SYNPR: variants seen among roughly 807,000 people sequenced by gnomAD.
SYNPR encodes synaptoporin.
A neutral mutation model predicts 32.9 loss-of-function variants in SYNPR; 23 were observed. The observed-to-expected ratio is 0.70, with a 90% confidence interval of 0.50 to 0.99. SYNPR has a LOEUF of 0.99. Ranked by LOEUF, SYNPR falls within the 50% of genes least tolerant of loss-of-function variation. The probability of loss-of-function intolerance (pLI) is 0.00; values close to 1 mark genes in which losing one functional copy is unlikely to be tolerated. For missense variants in SYNPR, 318 were observed against 349.3 expected (o/e 0.91, Z 0.71); for synonymous variants, 146 against 135.9 (o/e 1.07, Z -0.52).
At chr3:63,586,923 A>T (rs1703194850) in intron 4 of SYNPR, among the ~76,000 whole-genome samples, 1 of 151,898 alleles carries the variant, frequency 6.6e-6, no homozygotes, top group Admixed American at 6.6e-5. Context: ...TTCTTTTCCA[A>T]TCACGTATTG....
chr3:63,370,696 A>G (rs890377720), intron 2 of SYNPR, among the ~76,000 whole-genome samples: 59 of 152,316 alleles, frequency 3.9e-4, no homozygotes, highest in African/African-American at 1.4e-3. Flanking sequence ...TTACAAAATA[A>G]TATCTTTTAC....
chr3:63,227,710 G>A (rs2086139334), upstream of SYNPR, among the ~76,000 whole-genome samples: 1 of 152,166 alleles, frequency 6.6e-6, no homozygotes, highest in Non-Finnish European at 1.5e-5. Context: ...AAGGTGAAGG[G>A]TAAAATGCGC....
At chr3:63,303,690 A>G (rs1348980615) in intron 2 of SYNPR, among the ~76,000 whole-genome samples, 1 of 152,040 alleles carries the variant, frequency 6.6e-6, no homozygotes, top group Admixed American at 6.6e-5. Context: ...TCATAGATTT[A>G]TTCTGACTAT....
intron 2 of SYNPR, among the ~76,000 whole-genome samples, chr3:63,287,623 G>C (rs181486432): frequency 1.9e-4 from 29 of 152,258 alleles, no homozygotes; most frequent in African/African-American, 6.0e-4. Context: ...CCAGGCAGTA[G>C]GTGCTTAGAA....
chr3:63,415,987 G>A (rs1041920856), intron 2 of SYNPR, among the ~76,000 whole-genome samples: 3 of 152,212 alleles, frequency 2.0e-5, no homozygotes, highest in Non-Finnish European at 4.4e-5. Flanking sequence ...GAAAGCAACA[G>A]ATGATTACAA....
In SYNPR at chr3:63,278,329, CT is replaced by C. The variant is rs565514005; in HGVS notation, c.-203del. The stretch of plus-strand genomic sequence containing the variant: ...GCCCACCCCTCGCTGACTCGCTTCG[CT>C]TCCCCGACGCGCTGGGTTCCCGGAG... On this transcript the variant is annotated 5_prime_UTR_variant, in exon 1 of 6. Coordinates refer to ENST00000478300, the MANE Select transcript of SYNPR (RefSeq NM_001130003.2). 1.4e-4 allele frequency: 85 copies of C among 628,744 alleles called. No individual in the cohort carries two copies. In the African/African-American group the frequency reaches 1.5e-3, roughly 11 times the overall value. 38.9% of individuals were successfully genotyped at this position (628,744 alleles called of 1,614,324 possible). A position where few individuals can be genotyped will look rare whatever the true frequency, so the allele number is the denominator to read the frequency against.
chr3:63,420,201 G>C (rs565689698), intron 2 of SYNPR, among the ~76,000 whole-genome samples: 16 of 152,120 alleles, frequency 1.1e-4, no homozygotes, highest in African/African-American at 3.9e-4. Flanking sequence ...AAATATTTCA[G>C]GTATCCTGGT....
chr3:63,570,790 A>T (rs895034860), intron 4 of SYNPR, among the ~76,000 whole-genome samples: 3 of 152,200 alleles, frequency 2.0e-5, no homozygotes, highest in African/African-American at 7.2e-5. Context: ...CCCCTGCTAG[A>T]TATCAAATAT....
intron 2 of SYNPR, among the ~76,000 whole-genome samples, chr3:63,461,834 A>G (rs1157730783): frequency 6.6e-6 from 1 of 151,950 alleles, no homozygotes; most frequent in Non-Finnish European, 1.5e-5. Flanking sequence ...CCCATCTTGC[A>G]GGTATGTTGG....
At chr3:63,565,263 C>T (rs912776096) in intron 4 of SYNPR, among the ~76,000 whole-genome samples, 1 of 152,108 alleles carries the variant, frequency 6.6e-6, no homozygotes, top group Admixed American at 6.5e-5. Context: ...CTGCCGCTGT[C>T]TTAAGTTTGT....
In SYNPR at chr3:63,365,676, G is replaced by A. The variant is rs113804587; in HGVS notation, c.84+86934G>A. 3.3e-3 allele frequency among the ~76,000 whole-genome samples: 499 copies of A among 152,162 alleles called. 4 individuals carry two copies. The highest frequency in any genetic ancestry group is 0.01 in the African/African-American group (423 of 41,524). ...AAGAAATATATTCAGTTCTCTTTTC[G>A]TTAATTTGAGGAAAAGAATGTTATC... On this transcript the variant is annotated intron_variant, in intron 2 of 5. Transcript: ENST00000478300.
At chr3:63,313,005 G>A (rs1173699510) in intron 2 of SYNPR, among the ~76,000 whole-genome samples, 1 of 151,922 alleles carries the variant, frequency 6.6e-6, no homozygotes, top group African/African-American at 2.4e-5. Context: ...GAAACTATTG[G>A]ATTCTAGTTT....
Position 63,269,352 on chromosome 3 carries a change from G to A in SYNPR, n.287+1903G>A, listed in dbSNP as rs190801573. ...AAAAATACAAAAATTAGCTTGGCGT[G>A]GTGGTAGGCACCTATAATCCCAGCT... On this transcript the variant is annotated intron_variant and non_coding_transcript_variant, in intron 3 of 4. Transcript: ENST00000478456. Among the ~76,000 whole-genome samples the A allele has an allele frequency of 1.1e-4, 17 of 152,210 alleles. No homozygotes were observed. The East Asian group carries it at 2.7e-3, about 24-fold the overall frequency.
intron 3 of SYNPR, among the ~76,000 whole-genome samples, chr3:63,535,591 C>G (rs1702189870): frequency 6.6e-6 from 1 of 151,726 alleles, no homozygotes; most frequent in Admixed American, 6.6e-5. Context: ...ACATATAGAC[C>G]AATGGAGAAG....
intron 2 of SYNPR, among the ~76,000 whole-genome samples, chr3:63,411,486 T>C (rs1240340391): frequency 6.6e-6 from 1 of 152,140 alleles, no homozygotes; most frequent in Middle Eastern, 3.2e-3. Flanking sequence ...ATCATACCAA[T>C]GGACAAATAT....
chr3:63,331,644 T>C (rs1045619319), intron 2 of SYNPR, among the ~76,000 whole-genome samples: 3 of 152,058 alleles, frequency 2.0e-5, no homozygotes, highest in Admixed American at 6.6e-5. Flanking sequence ...GCTAACACTT[T>C]TACTTGAGGA....
chr3:63,392,032 A>G (rs1441531736), intron 2 of SYNPR, among the ~76,000 whole-genome samples: 1 of 152,222 alleles, frequency 6.6e-6, no homozygotes, highest in Non-Finnish European at 1.5e-5. Context: ...GTGAGCTTGT[A>G]TATAAGTAAT....
At chr3:63,449,705 G>A (rs1230240217) in intron 2 of SYNPR, among the ~76,000 whole-genome samples, 4 of 152,088 alleles carry the variant, frequency 2.6e-5, no homozygotes, top group East Asian at 1.9e-4. Context: ...TGCTTTCCCC[G>A]AATATACTAG....
intron 4 of SYNPR, among the ~76,000 whole-genome samples, chr3:63,576,237 T>C (rs1000095826): frequency 2.6e-5 from 4 of 152,212 alleles, no homozygotes; most frequent in Non-Finnish European, 4.4e-5. Flanking sequence ...AGTTAACCTG[T>C]CAGAATAAAA....
Sources: gnomAD v4.1 joint callset for allele counts (sites outside exome capture counted in the v4.1 genomes callset) on GRCh38, gnomAD v4.1.1 for gene constraint, MANE v1.5 for transcripts, NCBI Gene and HGNC (gene_info 2026-07-23, HGNC 2026-07-21) for gene names.